RBFOX1: variants seen among roughly 807,000 people sequenced by gnomAD.
RBFOX1 encodes RNA binding fox-1 homolog 1, also known as RNA binding protein fox-1 homolog 1.
RBFOX1 carries 8 observed loss-of-function variants against 57.7 expected under a neutral mutation model. The observed-to-expected ratio is 0.14, with a 90% CI of 0.08 to 0.25. The LOEUF (loss-of-function observed/expected upper bound fraction) is 0.25. Among genes scored for constraint, RBFOX1 ranks in the 10% least tolerant of loss-of-function variants. The pLI is 1.00. For synonymous variants in RBFOX1, 326 were observed against 222.4 expected (o/e 1.47, Z -4.15); for missense variants, 611 against 548.5 (o/e 1.11, Z -1.14).
At chr16:6,418,484 C>T (rs1372144904) in intron 2 of RBFOX1, among the ~76,000 whole-genome samples, 1 of 146,832 alleles carries the variant, frequency 6.8e-6, no homozygotes, top group African/African-American at 2.5e-5. Flanking sequence ...TTCACATCAT[C>T]TACAATTTTG....
At chr16:6,024,612 C>T (rs1040486244) in intron 1 of RBFOX1, among the ~76,000 whole-genome samples, 5 of 152,180 alleles carry the variant, frequency 3.3e-5, no homozygotes, top group African/African-American at 1.2e-4. Context: ...CTTCAGCCTC[C>T]TGAGTAGCTG....
Position 7,419,207 on chromosome 16 carries a change from C to G in RBFOX1, c.28-98940C>G, listed in dbSNP as rs372986205. Among the ~76,000 whole-genome samples, 8 of 152,274 alleles carry G rather than the reference C, an allele frequency of 5.3e-5. 1 individual carries two copies. In the South Asian group the frequency reaches 1.0e-3, roughly 20 times the overall value. ...ACAAGCGTGAGCACCACCACCGTCC[C>G]CCACCCCCAGCCAAGAGTTGTTTTT... On this transcript the variant is annotated intron_variant, in intron 4 of 15. Coordinates refer to ENST00000550418, the MANE Select transcript of RBFOX1 (RefSeq NM_018723.4).
rs563113576 is a variant in RBFOX1 at position 5,745,719 on chromosome 16, T to C, written c.319-121584T>C. Among the ~76,000 whole-genome samples the C allele has an allele frequency of 3.9e-5, 6 of 152,362 alleles. No homozygotes were observed. The East Asian group carries it at 1.2e-3, about 29-fold the overall frequency. The stretch of plus-strand genomic sequence containing the variant: ...GATGATGAGCATTTTTTCATGTGTC[T>C]TTTGGCTGCATAAATGTCTTCTTTT... On this transcript the variant is annotated intron_variant, in intron 3 of 19. Coordinates refer to the RBFOX1 transcript ENST00000641259.
chr16:6,215,465 A>AT (rs2097330072), intron 1 of RBFOX1, among the ~76,000 whole-genome samples: 2 of 150,998 alleles, frequency 1.3e-5, no homozygotes, highest in African/African-American at 2.4e-5. Flanking sequence ...AGAGAGGGAG[A>AT]GGGGGAGAGG....
Position 6,042,773 on chromosome 16 carries a change from T to C in RBFOX1, c.-127+22781T>C, listed in dbSNP as rs1253872685. Among the ~76,000 whole-genome samples the C allele has an allele frequency of 3.3e-5, 5 of 151,966 alleles. No individual in the cohort carries two copies. In the East Asian group the frequency reaches 9.7e-4, roughly 29 times the overall value. The stretch of plus-strand genomic sequence containing the variant: ...CAAAGACAAATCAGTACATGAAAGG[T>C]ATACATTGGTTCAGCAAAGAAAGGC... On this transcript the variant is annotated intron_variant, in intron 1 of 15. Transcript: ENST00000550418.
intron 2 of RBFOX1, among the ~76,000 whole-genome samples, chr16:5,493,561 C>T (rs2042903981): frequency 6.6e-6 from 1 of 152,208 alleles, no homozygotes; most frequent in African/African-American, 2.4e-5. Flanking sequence ...TACCCTGGTG[C>T]TGATTGATGG....
chr16:6,315,488 G>A (rs1193785949), intron 1 of RBFOX1, among the ~76,000 whole-genome samples: 1 of 151,522 alleles, frequency 6.6e-6, no homozygotes, highest in Non-Finnish European at 1.5e-5. Context: ...TGGATGGGTA[G>A]GTAGATAGGT....
intron 5 of RBFOX1, among the ~76,000 whole-genome samples, chr16:7,567,770 C>T (rs2092249559): frequency 6.9e-6 from 1 of 144,738 alleles, no homozygotes; most frequent in African/African-American, 2.6e-5. Flanking sequence ...TATATATATC[C>T]CTCTCTATAT....
chr16:6,057,461 A>G (rs548692059), intron 1 of RBFOX1, among the ~76,000 whole-genome samples: 5 of 152,152 alleles, frequency 3.3e-5, no homozygotes, highest in African/African-American at 4.8e-5. Context: ...TATTCAACCA[A>G]TATTTATTGA....
intron 10 of RBFOX1, chr16:7,615,124 G>C (rs1323704834): frequency 1.3e-5 from 2 of 152,242 alleles, no homozygotes; most frequent in Non-Finnish European, 2.9e-5. Context: ...ACGAGGTCAG[G>C]AGATTGAGAC....
At chr16:5,631,323 C>T (rs747963126) in intron 3 of RBFOX1, among the ~76,000 whole-genome samples, 1 of 152,128 alleles carries the variant, frequency 6.6e-6, no homozygotes, top group Non-Finnish European at 1.5e-5. Flanking sequence ...TTTTGGGAAG[C>T]CGAGGCAGGT....
At chr16:6,808,748 A>C (rs2087616524) in intron 3 of RBFOX1, among the ~76,000 whole-genome samples, 1 of 152,140 alleles carries the variant, frequency 6.6e-6, no homozygotes. Flanking sequence ...ACAGACAAAT[A>C]CCTGGTTATC....
chr16:5,687,863 G>A (rs2050552545), intron 3 of RBFOX1, among the ~76,000 whole-genome samples: 1 of 152,094 alleles, frequency 6.6e-6, no homozygotes, highest in East Asian at 1.9e-4. Context: ...ATTTGTGGTT[G>A]GCATCCCCTG....
At chr16:7,632,649 G>C (rs2061159852) in intron 11 of RBFOX1, among the ~76,000 whole-genome samples, 1 of 152,152 alleles carries the variant, frequency 6.6e-6, no homozygotes, top group Non-Finnish European at 1.5e-5. Flanking sequence ...AAGAGAGTTG[G>C]TGTGCCAAAA....
intron 4 of RBFOX1, among the ~76,000 whole-genome samples, chr16:7,179,222 A>AT (rs5815380): frequency 0.016 from 2,297 of 145,110 alleles, 57 homozygotes; most frequent in African/African-American, 0.051. Flanking sequence ...CTTAACCGGG[A>AT]TTTTTTTTTT....
intron 4 of RBFOX1, among the ~76,000 whole-genome samples, chr16:7,181,474 A>T (rs1359931665): frequency 1.3e-5 from 2 of 152,072 alleles, no homozygotes; most frequent in Non-Finnish European, 2.9e-5. Context: ...AGTACTACCT[A>T]AAAGAGAATT....
chr16:7,572,079 A>G (rs1334880889), intron 5 of RBFOX1, among the ~76,000 whole-genome samples: 1 of 152,158 alleles, frequency 6.6e-6, no homozygotes, highest in Non-Finnish European at 1.5e-5. Context: ...GTGAACCAAG[A>G]TCGCACCATT....
At position 7,570,162 on chromosome 16, in the gene RBFOX1, A is replaced by C. The variant is rs1026794885; in HGVS notation, c.271-9615A>C. Among the ~76,000 whole-genome samples, 11 of 120,140 alleles carry C rather than the reference A, an allele frequency of 9.2e-5. No individual in the cohort carries two copies. The South Asian group carries it at 3.3e-3, about 36-fold the overall frequency. 78.8% of individuals were successfully genotyped at this position (120,140 alleles called of 152,430 possible). A position where few individuals can be genotyped will look rare whatever the true frequency, so the allele number is the denominator to read the frequency against. ...TTAAAATGAACGTTCTTAAAATTTT[A>C]CTTTTTTTTTTTTTTTAAAAAGTGA... On this transcript the variant is annotated intron_variant, in intron 5 of 15. Transcript: ENST00000550418.
chr16:7,390,792 A>G (rs1056638941), intron 4 of RBFOX1, among the ~76,000 whole-genome samples: 3 of 152,230 alleles, frequency 2.0e-5, no homozygotes, highest in Admixed American at 6.5e-5. Flanking sequence ...CTTTCCATTT[A>G]TAAGAATATG....
Sources: allele counts gnomAD v4.1 joint callset (sites outside exome capture counted in the v4.1 genomes callset), GRCh38; gene constraint gnomAD v4.1.1; transcripts MANE v1.5; gene names NCBI Gene and HGNC (gene_info 2026-07-23, HGNC 2026-07-21).